ZBTB46: variants seen among roughly 807,000 people sequenced by gnomAD.
ZBTB46 encodes zinc finger and BTB domain containing 46, also known as zinc finger and BTB domain-containing protein 46.
ZBTB46 carries 8 observed loss-of-function variants against 44.1 expected under a neutral mutation model. That is an observed-to-expected ratio of 0.18 (90% CI 0.11 to 0.33). ZBTB46 has a LOEUF of 0.33. Ranked by LOEUF, ZBTB46 falls within the 10% of genes least tolerant of loss-of-function variation. The pLI is 1.00. For synonymous variants in ZBTB46, 409 were observed against 382.3 expected, an observed-to-expected ratio of 1.07 and a Z score of -0.81; for missense variants, 651 against 847.7, an observed-to-expected ratio of 0.77 and a Z score of 2.88.
rs1391537783 is a variant in ZBTB46 at position 63,787,378 on chromosome 20, A to G, written c.937+2443T>C. ...GTGTTTATAAAGTCTGCAGCAGTGC[A>G]CAGTTCTGTCCTCAGCCTTCATGTT... On this transcript the variant is annotated intron_variant, in intron 2 of 4. Transcript: ENST00000245663. The surrounding 1 kb of genome is among the most constrained non-coding windows in gnomAD (Gnocchi z 4.6). 6.6e-6 allele frequency among the ~76,000 whole-genome samples: 1 copy of G among 152,226 alleles called. No individual in the cohort carries two copies. The highest frequency in any genetic ancestry group is 2.4e-5 in the African/African-American group (1 of 41,462).
chr20:63,775,438 C>A, intron 3 of ZBTB46: 2 of 451,546 alleles, frequency 4.4e-6, no homozygotes, highest in East Asian at 7.0e-5. Context: ...CGGCTGCTCC[C>A]CTGCCCGCCG....
At chr20:63,771,658 A>T (rs1246412989) in intron 3 of ZBTB46, among the ~76,000 whole-genome samples, 1 of 152,022 alleles carries the variant, frequency 6.6e-6, no homozygotes, top group Non-Finnish European at 1.5e-5. Flanking sequence ...GCCTCGGCTA[A>T]GGCTTCCCTG....
chr20:63,745,667 GT>G lies in ZBTB46; in HGVS notation c.*1262del, dbSNP rs1448309703. ...CAGAGGAGGGGGTGAAGGATGGAAT[GT>G]CCTCATGGTGAGTGCTGTCAGAGGC... On this transcript the variant is annotated 3_prime_UTR_variant, in exon 5 of 5. Transcript: ENST00000245663. The G allele has an allele frequency of 6.6e-6, 1 of 152,342 alleles. No individual in the cohort carries two copies. The highest frequency in any genetic ancestry group is 1.5e-5 in the Non-Finnish European group (1 of 68,064). The allele number at this position is 152,342 out of a possible 1,614,324, so 9.4% of individuals were successfully genotyped here. A position where few individuals can be genotyped will look rare whatever the true frequency, so the allele number is the denominator to read the frequency against.
intron 1 of ZBTB46, among the ~76,000 whole-genome samples, chr20:63,798,500 C>T (rs1160931365): frequency 2.6e-5 from 4 of 151,736 alleles, no homozygotes; most frequent in Admixed American, 2.0e-4. Flanking sequence ...CATGGTCAAA[C>T]CCCGTCTCTA....
chr20:63,753,785 A>G (rs2145773724), intron 3 of ZBTB46, among the ~76,000 whole-genome samples: 1 of 152,388 alleles, frequency 6.6e-6, no homozygotes. Flanking sequence ...ATGTCTGAAC[A>G]CATCATAATT....
intron 1 of ZBTB46, among the ~76,000 whole-genome samples, chr20:63,795,837 T>G (rs946161014): frequency 2.0e-5 from 3 of 152,170 alleles, no homozygotes; most frequent in Non-Finnish European, 4.4e-5. Flanking sequence ...CGAATGCGCA[T>G]AGGAACGGCC....
chr20:63,800,671 G>A (rs1435929314), intron 1 of ZBTB46, among the ~76,000 whole-genome samples: 2 of 152,238 alleles, frequency 1.3e-5, no homozygotes, highest in African/African-American at 4.8e-5. Flanking sequence ...CCAGGGCAAT[G>A]AGGGGCTTAG....
chr20:63,750,521 G>A lies in ZBTB46; in HGVS notation c.1398+2165C>T, dbSNP rs6011079. On this transcript the variant is annotated intron_variant, in intron 4 of 4. Coordinates refer to ENST00000245663, the MANE Select transcript of ZBTB46 (RefSeq NM_001369741.1). ...CCCGAAGTGCTAGGATTACAGGCATGTGCCACCACACTTGGCTTTCCATAT... is the reference window on the plus strand; with the variant it reads ...CCCGAAGTGCTAGGATTACAGGCATATGCCACCACACTTGGCTTTCCATAT... 3.9e-3 allele frequency among the ~76,000 whole-genome samples: 597 copies of A among 152,014 alleles called. 5 individuals carry two copies. Among genetic ancestry groups the A allele is most frequent in the African/African-American group, 0.014 (571 of 41,418 alleles).
chr20:63,776,494 G>C (rs754277290), intron 2 of ZBTB46, among the ~76,000 whole-genome samples: 13 of 152,204 alleles, frequency 8.5e-5, no homozygotes, highest in Non-Finnish European at 1.9e-4. Context: ...AAATGTCTGT[G>C]CTTCAAAGGA....
At chr20:63,801,617 T>A (rs148511383) in intron 1 of ZBTB46, among the ~76,000 whole-genome samples, 53 of 152,288 alleles carry the variant, frequency 3.5e-4, no homozygotes, top group African/African-American at 1.3e-3. Context: ...TTATGAGCTG[T>A]AAGACTCACC....
chr20:63,780,801 C>CA (rs1457282944), intron 2 of ZBTB46, among the ~76,000 whole-genome samples: 2 of 145,530 alleles, frequency 1.4e-5, no homozygotes, highest in African/African-American at 2.5e-5. Context: ...TACTCCGTCT[C>CA]AAAAAAAAAG....
At chr20:63,780,000 C>T (rs1303343183) in intron 2 of ZBTB46, among the ~76,000 whole-genome samples, 2 of 152,108 alleles carry the variant, frequency 1.3e-5, no homozygotes, top group African/African-American at 2.4e-5. Flanking sequence ...CCGCCAGGCA[C>T]AGTGTCTCAT....
intron 4 of ZBTB46, 48 bp from the exon 5 acceptor site, chr20:63,747,349 CGGG>C (rs2092104930): frequency 1.3e-5 from 2 of 151,012 alleles, no homozygotes; most frequent in East Asian, 2.0e-4. Flanking sequence ...GGTTGGGGGG[CGGG>C]GCAGGGGGTG....
In ZBTB46 at chr20:63,747,152, G is replaced by C. The variant is rs372059898; in HGVS notation, c.1548C>G (p.Gly516=). 1.9e-6 allele frequency: 3 copies of C among 1,609,702 alleles called. No individual in the cohort carries two copies. Among genetic ancestry groups the C allele is most frequent in the Non-Finnish European group, 2.5e-6 (3 of 1,178,710 alleles). Residue 516 remains glycine, a synonymous_variant, in exon 5 of 5, where the codon GGC becomes GGG. Coordinates refer to ENST00000245663, the MANE Select transcript of ZBTB46 (RefSeq NM_001369741.1). ...CTGGAGAGCCCTCGCCGCCTCCGCC[G>C]CCATGGTCCAGGGGCCCGGCCATGC... The part of the protein sequence containing the change: ...GRGMAGPLDH[G]GGGGEGSPEA...
chr20:63,766,911 C>A (rs2145824885), intron 3 of ZBTB46, among the ~76,000 whole-genome samples: 1 of 152,338 alleles, frequency 6.6e-6, no homozygotes, highest in Middle Eastern at 3.4e-3. Context: ...GCCACCTTCC[C>A]TGCCAGATGG....
rs565158359 is a variant in ZBTB46 at position 63,801,163 on chromosome 20, G to C, written c.-33-10373C>G. Among the ~76,000 whole-genome samples the C allele has an allele frequency of 4.6e-5, 7 of 152,124 alleles. No individual in the cohort carries two copies. In the South Asian group the frequency reaches 1.5e-3, roughly 32 times the overall value. Reference sequence around the variant, plus strand: ...TCAGTGCTCTGTGTCTAGCTGATCCGGTGGGGACTTAGAGAACCTTTATGT... The same window carrying C: ...TCAGTGCTCTGTGTCTAGCTGATCCCGTGGGGACTTAGAGAACCTTTATGT... On this transcript the variant is annotated intron_variant, in intron 1 of 4. Coordinates refer to ENST00000245663, the MANE Select transcript of ZBTB46 (RefSeq NM_001369741.1).
chr20:63,808,767 G>A (rs1291928493), intron 1 of ZBTB46, among the ~76,000 whole-genome samples: 1 of 152,080 alleles, frequency 6.6e-6, no homozygotes, highest in Non-Finnish European at 1.5e-5. Context: ...GAGGTCAGGA[G>A]ATCAAGACCA....
chr20:63,769,315 T>C (rs1465516803), intron 3 of ZBTB46: 1 of 985,280 alleles, frequency 1.0e-6, no homozygotes, highest in African/African-American at 1.7e-5. Flanking sequence ...GCTCATCCTG[T>C]GGCTCTGAGG....
intron 3 of ZBTB46, among the ~76,000 whole-genome samples, chr20:63,766,818 G>A (rs552126509): frequency 6.6e-6 from 1 of 152,264 alleles, no homozygotes; most frequent in Non-Finnish European, 1.5e-5. Flanking sequence ...CTGCAGTGGA[G>A]ATGGGGACCG....
Sources: allele counts gnomAD v4.1 joint callset (sites outside exome capture counted in the v4.1 genomes callset), GRCh38; gene constraint gnomAD v4.1.1; non-coding constraint Gnocchi (gnomAD v3.1); transcripts MANE v1.5; gene names NCBI Gene and HGNC (gene_info 2026-07-23, HGNC 2026-07-21).